The following CD84 variants were observed in gnomAD, a reference collection of about 807,000 sequenced individuals.
CD84 encodes SLAM family member 5.
A neutral mutation model predicts 33.8 loss-of-function variants in CD84; 22 were observed. The ratio of observed to expected loss-of-function variants is 0.65; its 90% CI spans 0.46 to 0.93. The LOEUF is 0.93. Among genes scored for constraint, CD84 ranks in the 40% least tolerant of loss-of-function variants. The pLI is 0.00. For missense variants in CD84, 400 were observed against 397.6 expected, an observed-to-expected ratio of 1.01 and a Z score of -0.05; for synonymous variants, 154 against 145.2, an observed-to-expected ratio of 1.06 and a Z score of -0.44.
At chr1:160,563,035 A>G (rs952917621) in intron 2 of CD84, among the ~76,000 whole-genome samples, 1 of 152,202 alleles carries the variant, frequency 6.6e-6, no homozygotes, top group African/African-American at 2.4e-5. Flanking sequence ...CAAAACCACA[A>G]TGAGATACCA....
At chr1:160,558,482 G>A (rs1656752188) in intron 2 of CD84, among the ~76,000 whole-genome samples, 1 of 152,160 alleles carries the variant, frequency 6.6e-6, no homozygotes, top group African/African-American at 2.4e-5. Flanking sequence ...CCCATTGGAA[G>A]GTCAGTGACC....
intron 4 of CD84, chr1:160,553,158 C>T: frequency 1.4e-6 from 1 of 722,866 alleles, no homozygotes; most frequent in South Asian, 1.7e-5. Flanking sequence ...TGTTCTGGGC[C>T]CACCAGCTAC....
intron 5 of CD84, chr1:160,550,493 C>A (rs940645845): frequency 1.1e-4 from 41 of 373,004 alleles, no homozygotes; most frequent in Admixed American, 3.9e-4. Flanking sequence ...CTGAGGAAAG[C>A]AAGCCGCTGC....
intron 6 of CD84, 96 bp from the exon 7 acceptor site, chr1:160,548,417 G>A (rs78790378): frequency 0.013 from 16,848 of 1,251,346 alleles, 249 homozygotes; most frequent in African/African-American, 0.055. Flanking sequence ...CAAATGGCAC[G>A]GGGGAATGCC....
chr1:160,554,227 G>C, intron 2 of CD84, 81 bp from the exon 3 acceptor site: 1 of 1,312,002 alleles, frequency 7.6e-7, no homozygotes. Flanking sequence ...TAAATTCTCA[G>C]AAATTTGCAA....
At chr1:160,561,022 C>T (rs1571364870) in intron 2 of CD84, among the ~76,000 whole-genome samples, 1 of 150,718 alleles carries the variant, frequency 6.6e-6, no homozygotes, top group East Asian at 2.0e-4. Flanking sequence ...CAACCAAAAA[C>T]AAAACAAAAC....
At chr1:160,568,141 G>T (rs1657442784) in intron 1 of CD84, among the ~76,000 whole-genome samples, 3 of 152,128 alleles carry the variant, frequency 2.0e-5, no homozygotes. Flanking sequence ...ACAGAACATA[G>T]ATTCCACAGA....
chr1:160,577,342 C>G (rs1557988281), intron 1 of CD84, among the ~76,000 whole-genome samples: 1 of 152,144 alleles, frequency 6.6e-6, no homozygotes, highest in East Asian at 1.9e-4. Context: ...GGAACAGCAG[C>G]AGGAGGAATT....
intron 1 of CD84, among the ~76,000 whole-genome samples, chr1:160,572,278 T>A (rs939388832): frequency 1.3e-5 from 2 of 152,166 alleles, no homozygotes; most frequent in Non-Finnish European, 2.9e-5. Flanking sequence ...TGGAAGATAG[T>A]CATTCTTGGT....
chr1:160,562,949 C>T (rs981822757), intron 2 of CD84, among the ~76,000 whole-genome samples: 1 of 152,076 alleles, frequency 6.6e-6, no homozygotes, highest in Non-Finnish European at 1.5e-5. Flanking sequence ...AGACACTTCT[C>T]AAAAGAAGAC....
Position 160,546,733 on chromosome 1 carries a change from G to A in CD84, c.*1523C>T, listed in dbSNP as rs952457674. On this transcript the variant is annotated 3_prime_UTR_variant, in exon 7 of 7. Transcript: ENST00000368054. ...CAGCTTCAGCCCTGCCCCCTCATAA[G>A]GTATTTTTCTGACTGTTCATGCTAT... 6.2e-6 allele frequency: 1 copy of A among 161,694 alleles called. No homozygotes were observed. Among genetic ancestry groups the A allele is most frequent in the East Asian group, 1.7e-4 (1 of 5,788 alleles). The allele number at this position is 161,694 out of a possible 1,614,324, so 10.0% of individuals were successfully genotyped here.
In CD84 at chr1:160,560,352, C is replaced by T. The variant is rs912181204; in HGVS notation, c.388+5052G>A. Among the ~76,000 whole-genome samples, 25 of 152,252 alleles carry T rather than the reference C, an allele frequency of 1.6e-4. 1 individual carries two copies. The highest frequency in any genetic ancestry group is 5.5e-4 in the African/African-American group (23 of 41,558). Reference sequence around the variant, plus strand: ...TCAAAATTAAGAAATTCACTCATAACCACACAATTACATGGAAATTCAACA... The same window carrying T: ...TCAAAATTAAGAAATTCACTCATAATCACACAATTACATGGAAATTCAACA... On this transcript the variant is annotated intron_variant, in intron 2 of 6. Transcript: ENST00000368054.
chr1:160,549,977 C>G lies in CD84; in HGVS notation c.861G>C (p.Val287=). 1 of 1,608,652 alleles carries G rather than the reference C, an allele frequency of 6.2e-7. No individual in the cohort carries two copies. The highest frequency in any genetic ancestry group is 8.5e-7 in the Non-Finnish European group (1 of 1,175,282). ...TCACTGGCTCTTCCTTGGAGGGAAG[C>G]ACCTGTAAAACACACATCTTCCCCT... ...RIYDEILQSK[V]LPSKEEPVNT... The change falls in exon 6 of 7, where the codon GTG becomes GTC. Residue 287 remains valine, a splice_region_variant and synonymous_variant. Transcript: ENST00000368054.
At chr1:160,551,110 CT>C in intron 4 of CD84, 75 bp from the exon 5 acceptor site, 1 of 1,090,494 alleles carries the variant, frequency 9.2e-7, no homozygotes. Context: ...CCAATGTTCT[CT>C]TTTTAAGATG....
At position 160,565,431 on chromosome 1, in the gene CD84, T is replaced by A. The variant is rs1457164783; in HGVS notation, c.361A>T (p.Thr121Ser). ...TAGATTTGCAGGTTGTAGCGCTTGGTGGTGGTGTAGGGATCAGCCTGTGTA... is the reference window on the plus strand; with the variant it reads ...TAGATTTGCAGGTTGTAGCGCTTGGAGGTGGTGTAGGGATCAGCCTGTGTA... ...INTQADPYTT[T>S]KRYNLQIYRR... The change falls in exon 2 of 7, where the codon ACC (threonine) becomes TCC (serine). Residue 121 changes from threonine to serine, a missense_variant. Coordinates refer to ENST00000368054, the MANE Select transcript of CD84 (RefSeq NM_003874.4). 6.2e-7 allele frequency: 1 copy of A among 1,608,914 alleles called. No homozygotes were observed. The highest frequency in any genetic ancestry group is 1.7e-5 in the Admixed American group (1 of 59,258).
Position 160,553,952 on chromosome 1 carries a change from C to T in CD84, c.583G>A (p.Ala195Thr). The change falls in exon 3 of 7, where the codon GCC (alanine) becomes ACC (threonine). Residue 195 changes from alanine (A) to threonine (T), a missense_variant. Ala to Thr is a moderately conservative substitution (Grantham distance 58). Transcript: ENST00000368054. ...EDQELTYTCT[A>T]QNPVSNNSDS... ...GAATTGTTGCTGACAGGGTTCTGGG[C>T]TGTACACGTGTAAGTCAGCTCTTGG... The T allele has an allele frequency of 6.2e-7, 1 of 1,614,210 alleles. No homozygotes were observed. Among genetic ancestry groups the T allele is most frequent in the Non-Finnish European group, 8.5e-7 (1 of 1,180,032 alleles).
At chr1:160,561,246 C>T (rs1425868164) in intron 2 of CD84, among the ~76,000 whole-genome samples, 1 of 152,148 alleles carries the variant, frequency 6.6e-6, no homozygotes, top group African/African-American at 2.4e-5. Flanking sequence ...CCTTAATGAA[C>T]ATTGATGCAG....
intron 1 of CD84, among the ~76,000 whole-genome samples, chr1:160,566,053 C>A (rs1298065597): frequency 1.3e-5 from 2 of 152,174 alleles, no homozygotes; most frequent in Admixed American, 1.3e-4. Flanking sequence ...AGGCCATAAG[C>A]CTCCACGTAG....
Position 160,553,441 on chromosome 1 carries a change from A to T in CD84, c.697T>A (p.Phe233Ile). ...GACAGAATGAGAACAAGCAGAAAGA[A>T]CATAGCCAGCACGCTCAGCAACCCG... The part of the protein sequence containing the change: ...HTGLLSVLAM[F>I]FLLVLILSSV... The change falls in exon 4 of 7, where the codon TTC (phenylalanine) becomes ATC (isoleucine). Residue 233 changes from phenylalanine (F) to isoleucine (I), a missense_variant. By Grantham distance (21) the Phe-to-Ile change is conservative. Transcript: ENST00000368054. The T allele has an allele frequency of 6.2e-7, 1 of 1,614,160 alleles. No homozygotes were observed. The highest frequency in any genetic ancestry group is 8.5e-7 in the Non-Finnish European group (1 of 1,180,026).
Sources: gnomAD v4.1 joint callset for allele counts (sites outside exome capture counted in the v4.1 genomes callset) on GRCh38, gnomAD v4.1.1 for gene constraint, MANE v1.5 for transcripts, NCBI Gene and HGNC (gene_info 2026-07-23, HGNC 2026-07-21) for gene names.